MDGA2: variants seen among roughly 807,000 people sequenced by gnomAD.
MDGA2 encodes MAM domain containing glycosylphosphatidylinositol anchor 2.
Under a neutral mutation model 117.8 loss-of-function variants are expected in MDGA2, and 40 were observed. The ratio of observed to expected loss-of-function variants is 0.34; its 90% confidence interval spans 0.26 to 0.44. The LOEUF is 0.44. Among genes scored for constraint, MDGA2 ranks in the 20% least tolerant of loss-of-function variants. The pLI is 1.00. For missense variants in MDGA2, 1,123 were observed against 1,250.6 expected (o/e 0.90, Z 1.54); for synonymous variants, 452 against 439.0 (o/e 1.03, Z -0.37).
Position 47,218,105 on chromosome 14 carries a change from G to C in MDGA2, c.511C>G (p.Arg171Gly). 6.4e-7 allele frequency: 1 copy of C among 1,551,134 alleles called. No individual in the cohort carries two copies. The highest frequency in any genetic ancestry group is 1.4e-5 in the African/African-American group (1 of 73,042). The change falls in exon 3 of 17, where the codon CGA becomes GGA. Residue 171 changes from arginine to glycine, a missense_variant. Arg to Gly is a moderately radical substitution (Grantham distance 125). Transcript: ENST00000399232. ...NETLRITNIQ[R>G]HQGGRYYCKA... ...CAGTAATACCGGCCTCCTTGGTGTC[G>C]CTGAATATTTGTAATCCTCAAAGTC... is the stretch of plus-strand genomic sequence containing the variant.
At chr14:47,410,898 A>G (rs189118856) in intron 1 of MDGA2, among the ~76,000 whole-genome samples, 2 of 152,196 alleles carry the variant, frequency 1.3e-5, no homozygotes, top group African/African-American at 4.8e-5. Context: ...AAAATAAAAG[A>G]TGTCTAAGAC....
chr14:46,854,975 ATAT>A, intron 15 of MDGA2, 46 bp downstream of exon 15: 1 of 1,477,130 alleles, frequency 6.8e-7, no homozygotes, highest in Middle Eastern at 1.8e-4. Context: ...TCCACCTTTA[ATAT>A]TATGCTCATT....
rs1301632570 is a variant in MDGA2, at chr14:47,657,073, CAT to C, written c.280+17442_280+17443del. 1.7e-4 allele frequency among the ~76,000 whole-genome samples: 26 copies of C among 152,262 alleles called. No homozygotes were observed. In the East Asian group the frequency reaches 2.9e-3, roughly 17 times the overall value. ...CTATCTGCCAGAGTCTCAAGTATCA[CAT>C]ATGTCAGTGAAGATGCCAGCAGATG... On this transcript the variant is annotated intron_variant, in intron 1 of 16. Transcript: ENST00000399232.
Position 47,491,344 on chromosome 14 carries a change from C to T in MDGA2, c.280+183173G>A, listed in dbSNP as rs118073573. ...AGTTTCTCTGAAGGTCTTAGGAGTACAGATTTTGCCGTAAAACCACAAACA... is the reference window on the plus strand; with the variant it reads ...AGTTTCTCTGAAGGTCTTAGGAGTATAGATTTTGCCGTAAAACCACAAACA... On this transcript the variant is annotated intron_variant, in intron 1 of 16. Coordinates refer to ENST00000399232, the MANE Select transcript of MDGA2 (RefSeq NM_001113498.3). Among the ~76,000 whole-genome samples the T allele has an allele frequency of 7.5e-4, 114 of 152,154 alleles. 1 individual carries two copies. The East Asian group carries it at 0.013, about 17-fold the overall frequency.
intron 3 of MDGA2, among the ~76,000 whole-genome samples, chr14:47,197,213 CA>C (rs1885319175): frequency 6.6e-6 from 1 of 152,102 alleles, no homozygotes; most frequent in Non-Finnish European, 1.5e-5. Context: ...TATGTTCCCT[CA>C]AAATTTATAT....
chr14:47,082,329 A>T (rs996429803), intron 6 of MDGA2, among the ~76,000 whole-genome samples: 3 of 30,056 alleles, frequency 1.0e-4, no homozygotes, highest in Admixed American at 4.0e-4. Flanking sequence ...AATTCCAGGG[A>T]AGGAAAAAAA....
intron 15 of MDGA2, among the ~76,000 whole-genome samples, chr14:46,854,191 A>T (rs1481835593): frequency 2.0e-5 from 3 of 151,524 alleles, no homozygotes; most frequent in Non-Finnish European, 3.0e-5. Context: ...TGAAATGCAT[A>T]AAAAAAATCA....
chr14:47,529,754 G>A (rs1349085682), intron 1 of MDGA2, among the ~76,000 whole-genome samples: 1 of 152,152 alleles, frequency 6.6e-6, no homozygotes, highest in Non-Finnish European at 1.5e-5. Flanking sequence ...TTGATGGGTA[G>A]GGGTAAGTTA....
At chr14:47,252,522 T>C (rs753622695) in intron 2 of MDGA2, among the ~76,000 whole-genome samples, 3 of 152,172 alleles carry the variant, frequency 2.0e-5, no homozygotes, top group Non-Finnish European at 2.9e-5. Flanking sequence ...GGTTTAAAAC[T>C]ATGCAAGAAA....
At chr14:46,929,601 G>A (rs10133559) in intron 9 of MDGA2, among the ~76,000 whole-genome samples, 454 of 12,464 alleles carry the variant, frequency 0.036, 11 homozygotes, top group Non-Finnish European at 0.06. Flanking sequence ...GTGTGTGTGT[G>A]TATATATATA....
At chr14:47,545,065 A>C (rs1439668196) in intron 1 of MDGA2, among the ~76,000 whole-genome samples, 1 of 152,292 alleles carries the variant, frequency 6.6e-6, no homozygotes, top group African/African-American at 2.4e-5. Context: ...ACTATGCAAC[A>C]CCAAGTTCAA....
intron 3 of MDGA2, among the ~76,000 whole-genome samples, chr14:47,174,501 A>C (rs1884341655): frequency 6.6e-6 from 1 of 152,190 alleles, no homozygotes; most frequent in African/African-American, 2.4e-5. Context: ...AACTCACTCA[A>C]AACCGCTCAA....
intron 1 of MDGA2, among the ~76,000 whole-genome samples, chr14:47,478,706 A>T (rs943562142): frequency 1.3e-5 from 2 of 152,182 alleles, no homozygotes; most frequent in African/African-American, 4.8e-5. Flanking sequence ...GTTTTAATAT[A>T]CAAGAGCAGT....
chr14:47,456,727 A>G (rs1478672235), intron 1 of MDGA2, among the ~76,000 whole-genome samples: 1 of 152,150 alleles, frequency 6.6e-6, no homozygotes, highest in Non-Finnish European at 1.5e-5. Flanking sequence ...GATTAAATGG[A>G]ATAAACTCTT....
At position 47,485,668 on chromosome 14, in the gene MDGA2, C is replaced by T. The variant is rs552163356; in HGVS notation, c.281-184118G>A. The stretch of plus-strand genomic sequence containing the variant: ...GAAAAGTGGTTTCTTGGGCTGGGCT[C>T]AGGGTCCCTGTGTGCAACCTAGGGA... On this transcript the variant is annotated intron_variant, in intron 1 of 16. Transcript: ENST00000399232. Among the ~76,000 whole-genome samples, 237 of 152,254 alleles carry T rather than the reference C, an allele frequency of 1.6e-3. 1 individual carries two copies. Among genetic ancestry groups the T allele is most frequent in the Admixed American group, 3.1e-3 (47 of 15,292 alleles).
intron 1 of MDGA2, among the ~76,000 whole-genome samples, chr14:47,388,466 T>C (rs1023957897): frequency 1.3e-5 from 2 of 152,190 alleles, no homozygotes; most frequent in African/African-American, 4.8e-5. Context: ...CAATCTGTTC[T>C]ACCTCCACCT....
intron 3 of MDGA2, among the ~76,000 whole-genome samples, chr14:47,192,040 T>G (rs1177229244): frequency 6.6e-6 from 1 of 152,154 alleles, no homozygotes; most frequent in Non-Finnish European, 1.5e-5. Context: ...GCCCCTGCAT[T>G]TAAAATCTAA....
At chr14:47,637,156 G>C (rs948583081) in intron 1 of MDGA2, among the ~76,000 whole-genome samples, 2 of 152,056 alleles carry the variant, frequency 1.3e-5, no homozygotes, top group African/African-American at 4.8e-5. Context: ...AAGGACACAA[G>C]TCTCATAAAA....
intron 1 of MDGA2, among the ~76,000 whole-genome samples, chr14:47,312,412 T>G (rs530733980): frequency 6.6e-6 from 1 of 152,118 alleles, no homozygotes; most frequent in Non-Finnish European, 1.5e-5. Context: ...CTACTTTCAG[T>G]GGTAAAGAGA....
Sources: allele counts gnomAD v4.1 joint callset (sites outside exome capture counted in the v4.1 genomes callset), GRCh38; gene constraint gnomAD v4.1.1; transcripts MANE v1.5; gene names NCBI Gene and HGNC (gene_info 2026-07-23, HGNC 2026-07-21).